HDAC4: variants seen among roughly 807,000 people sequenced by gnomAD.
HDAC4 encodes histone deacetylase A.
A neutral mutation model predicts 135.1 loss-of-function variants in HDAC4; 16 were observed. The observed-to-expected ratio is 0.12, with a 90% CI of 0.08 to 0.18. The LOEUF (loss-of-function observed/expected upper bound fraction) is 0.18. Among genes scored for constraint, HDAC4 ranks in the 10% least tolerant of loss-of-function variants. The pLI is 1.00. For synonymous variants in HDAC4, 685 were observed against 653.4 expected (o/e 1.05, Z -0.74); for missense variants, 1,143 against 1,511.8 (o/e 0.76, Z 4.05).
chr2:239,082,568 T>C (rs2035447320), intron 20 of HDAC4, among the ~76,000 whole-genome samples: 1 of 152,186 alleles, frequency 6.6e-6, no homozygotes, highest in African/African-American at 2.4e-5. Context: ...CTGATCAATT[T>C]CCTACACCTG....
At chr2:239,290,532 A>G (rs972561788) in intron 2 of HDAC4, among the ~76,000 whole-genome samples, 1 of 152,194 alleles carries the variant, frequency 6.6e-6, no homozygotes, top group Non-Finnish European at 1.5e-5. Flanking sequence ...TAGAGTGTCA[A>G]TCTTTAGAAA....
At chr2:239,209,980 G>C (rs522916) in intron 3 of HDAC4, among the ~76,000 whole-genome samples, 82,748 of 151,984 alleles carry the variant, frequency 0.54, 23,668 homozygotes, top group South Asian at 0.72. Flanking sequence ...GAGAGGCAGG[G>C]AGCGGGGGCG....
At chr2:239,093,985 C>T (rs919064475) in intron 17 of HDAC4, 5 of 985,366 alleles carry the variant, frequency 5.1e-6, no homozygotes, top group African/African-American at 1.7e-5. Context: ...ATTTTCAAAG[C>T]AGTGATTTTT....
At chr2:239,145,830 G>T (rs1469456709) in intron 7 of HDAC4, among the ~76,000 whole-genome samples, 1 of 152,220 alleles carries the variant, frequency 6.6e-6, no homozygotes, top group Non-Finnish European at 1.5e-5. Context: ...GACTGATGTG[G>T]CTGGGCGATG....
chr2:239,323,523 G>A (rs1004693083), intron 2 of HDAC4, among the ~76,000 whole-genome samples: 2 of 152,160 alleles, frequency 1.3e-5, no homozygotes, highest in African/African-American at 4.8e-5. Flanking sequence ...AGCAATAAAT[G>A]GGGCAGATCC....
intron 2 of HDAC4, among the ~76,000 whole-genome samples, chr2:239,350,283 A>C (rs966276379): frequency 1.3e-5 from 2 of 152,200 alleles, no homozygotes; most frequent in African/African-American, 4.8e-5. Flanking sequence ...TTAAAAAAAA[A>C]CACTGAACTA....
At chr2:239,077,041 G>A (rs1282524960) in intron 22 of HDAC4, among the ~76,000 whole-genome samples, 1 of 152,048 alleles carries the variant, frequency 6.6e-6, no homozygotes, top group Non-Finnish European at 1.5e-5. Context: ...AATCTCTGCC[G>A]CTGTTTTCTG....
intron 6 of HDAC4, among the ~76,000 whole-genome samples, chr2:239,162,926 A>G (rs1203702536): frequency 2.0e-5 from 3 of 152,140 alleles, no homozygotes; most frequent in Non-Finnish European, 4.4e-5. Flanking sequence ...GAAATTACTG[A>G]TATTTCGATT....
intron 3 of HDAC4, among the ~76,000 whole-genome samples, chr2:239,210,339 TAAAC>T (rs1394411393): frequency 6.6e-6 from 1 of 151,748 alleles, no homozygotes; most frequent in Admixed American, 6.6e-5. Context: ...AAAACAAAAA[TAAAC>T]AAGCTGCAGA....
intron 7 of HDAC4, among the ~76,000 whole-genome samples, chr2:239,150,711 AG>A (rs1321126451): frequency 1.3e-5 from 2 of 148,200 alleles, no homozygotes; most frequent in Admixed American, 6.6e-5. Flanking sequence ...ATACAGCAGC[AG>A]GAAGTCTCAC....
intron 22 of HDAC4, among the ~76,000 whole-genome samples, chr2:239,074,008 A>C (rs752420381): frequency 2.1e-4 from 28 of 135,840 alleles, no homozygotes; most frequent in Middle Eastern, 4.0e-3. Flanking sequence ...TGAGGGGGGC[A>C]GCAGGACTGA....
chr2:239,378,043 T>C (rs867815024), intron 1 of HDAC4, among the ~76,000 whole-genome samples: 1 of 152,102 alleles, frequency 6.6e-6, no homozygotes, highest in Non-Finnish European at 1.5e-5. Flanking sequence ...TCCTGAGGCA[T>C]CCCCTCTGTC....
At chr2:239,387,072 G>C (rs892009906) in intron 1 of HDAC4, among the ~76,000 whole-genome samples, 2 of 151,356 alleles carry the variant, frequency 1.3e-5, no homozygotes, top group Non-Finnish European at 2.9e-5. Flanking sequence ...TGCGTGTCCG[G>C]GGAGCACGAG....
chr2:239,344,009 C>T (rs1375437332), intron 2 of HDAC4, among the ~76,000 whole-genome samples: 1 of 152,196 alleles, frequency 6.6e-6, no homozygotes, highest in Non-Finnish European at 1.5e-5. Context: ...CTTAAACGCG[C>T]AGTGGGGTTG....
Position 239,111,717 on chromosome 2 carries a change from G to A in HDAC4, c.1792-5C>T, listed in dbSNP as rs768678448. On this transcript the variant is annotated splice_polypyrimidine_tract_variant and splice_region_variant and intron_variant, in intron 13 of 26. Coordinates refer to ENST00000543185, the MANE Select transcript of HDAC4 (RefSeq NM_001378414.1). ...CTGCTCCAGCAGGAGGGCTTGCTGC[G>A]GGGAAGAAACGGCCGTGTTGGCGGT... 29 of 1,591,666 alleles carry A rather than the reference G, an allele frequency of 1.8e-5. No individual in the cohort carries two copies. The highest frequency in any genetic ancestry group is 8.7e-5 in the Admixed American group (5 of 57,182).
At chr2:239,277,673 C>T (rs11680988) in intron 2 of HDAC4, among the ~76,000 whole-genome samples, 31,589 of 152,108 alleles carry the variant, frequency 0.21, 3,421 homozygotes, top group Non-Finnish European at 0.22. Context: ...AGCCGCCCAG[C>T]CTGGTGTAGC....
chr2:239,332,174 C>T (rs1368316035), intron 2 of HDAC4, among the ~76,000 whole-genome samples: 1 of 152,260 alleles, frequency 6.6e-6, no homozygotes, highest in East Asian at 1.9e-4. Flanking sequence ...TTTAATATTC[C>T]ATTCCCACTA....
At chr2:239,373,023 G>A (rs761179321) in intron 1 of HDAC4, among the ~76,000 whole-genome samples, 4 of 152,042 alleles carry the variant, frequency 2.6e-5, no homozygotes, top group Non-Finnish European at 2.9e-5. Context: ...TCCTCCAAGC[G>A]TTTGACTCTT....
At chr2:239,122,248 A>G (rs1203997068) in intron 12 of HDAC4, among the ~76,000 whole-genome samples, 1 of 152,240 alleles carries the variant, frequency 6.6e-6, no homozygotes, top group Non-Finnish European at 1.5e-5. Context: ...TCTTGTGCAG[A>G]GTCCAGAAAC....
Sources: gnomAD v4.1 joint callset for allele counts (sites outside exome capture counted in the v4.1 genomes callset) on GRCh38, gnomAD v4.1.1 for gene constraint, MANE v1.5 for transcripts, NCBI Gene and HGNC (gene_info 2026-07-23, HGNC 2026-07-21) for gene names.